DLGAP3: variants seen among roughly 807,000 people sequenced by gnomAD.
The protein encoded by DLGAP3 is disks large-associated protein 3.
Under a neutral mutation model 81.2 loss-of-function variants are expected in DLGAP3, and 17 were observed. The observed-to-expected ratio is 0.21, with a 90% CI of 0.14 to 0.31. The LOEUF (loss-of-function observed/expected upper bound fraction) is 0.31. Ranked by LOEUF, DLGAP3 falls within the 10% of genes least tolerant of loss-of-function variation. DLGAP3 has a pLI of 1.00. For synonymous variants in DLGAP3, 577 were observed against 587.4 expected (o/e 0.98, Z 0.26); for missense variants, 1,124 against 1,388.0 (o/e 0.81, Z 3.02).
chr1:34,928,485 C>A (rs1323962011), intron 1 of DLGAP3, among the ~76,000 whole-genome samples: 1 of 151,738 alleles, frequency 6.6e-6, no homozygotes, highest in Non-Finnish European at 1.5e-5. Flanking sequence ...CAGAGGGCAC[C>A]CCCTGAGGTA....
chr1:34,866,379 C>A, intron 11 of DLGAP3, 78 bp from the exon 12 acceptor site: 1 of 1,255,708 alleles, frequency 8.0e-7, no homozygotes, highest in African/African-American at 1.5e-5. Context: ...CACCCCCGCG[C>A]CCAGAGTGCT....
At chr1:34,920,579 C>G (rs1178488330) in intron 1 of DLGAP3, among the ~76,000 whole-genome samples, 1 of 152,162 alleles carries the variant, frequency 6.6e-6, no homozygotes, top group South Asian at 2.1e-4. Flanking sequence ...TTTTTCTCCA[C>G]TCCCACTGCT....
chr1:34,866,249 C>G lies in DLGAP3; in HGVS notation c.2774G>C (p.Gly925Ala), dbSNP rs1370371005. Residue 925 changes from glycine (G) to alanine (A), a missense_variant, in exon 12 of 12, where the codon GGC (glycine) becomes GCC (alanine). Gly to Ala is a moderately conservative substitution (Grantham distance 60, BLOSUM62 0). Coordinates refer to ENST00000373347, the MANE Select transcript of DLGAP3 (RefSeq NM_001080418.3). ...CAGGGAGCGCTCCTTCACCGGCACG[C>G]CCCGGCCCCGCAGGGGCTTCTTTGG... is the stretch of plus-strand genomic sequence containing the variant. Reference protein sequence around the residue: ...PIPKKPLRGRGVPVKERSLDS... With the variant: ...PIPKKPLRGRAVPVKERSLDS... 2 of 1,564,882 alleles carry G rather than the reference C, an allele frequency of 1.3e-6. No homozygotes were observed. The highest frequency in any genetic ancestry group is 1.8e-5 in the Admixed American group (1 of 54,376).
intron 1 of DLGAP3, among the ~76,000 whole-genome samples, chr1:34,912,449 C>T (rs1173722031): frequency 6.6e-6 from 1 of 152,194 alleles, no homozygotes; most frequent in Non-Finnish European, 1.5e-5. Flanking sequence ...AGCCAATTCA[C>T]TCCTTCCCCA....
chr1:34,865,969 G>T lies in DLGAP3; in HGVS notation c.*114C>A. 1.1e-6 allele frequency: 1 copy of T among 932,490 alleles called. No homozygotes were observed. The highest frequency in any genetic ancestry group is 1.6e-6 in the Non-Finnish European group (1 of 619,068). The allele number at this position is 932,490 out of a possible 1,614,324, so 57.8% of individuals were successfully genotyped here. A position where few individuals can be genotyped will look rare whatever the true frequency, so the allele number is the denominator to read the frequency against. ...GACGGGCCCGGGGGCCGGGGCGTCC[G>T]GTGCCGGTGGGGCGGGCGCACGGGG... is the stretch of plus-strand genomic sequence containing the variant. On this transcript the variant is annotated 3_prime_UTR_variant, in exon 12 of 12. Coordinates refer to ENST00000373347, the MANE Select transcript of DLGAP3 (RefSeq NM_001080418.3).
At chr1:34,916,500 T>G (rs967139186) in intron 1 of DLGAP3, among the ~76,000 whole-genome samples, 2 of 152,198 alleles carry the variant, frequency 1.3e-5, no homozygotes, top group Non-Finnish European at 2.9e-5. Flanking sequence ...TAGGCACTAT[T>G]ATTACTCCCA....
chr1:34,875,784 C>G (rs1639041515), intron 8 of DLGAP3, among the ~76,000 whole-genome samples: 1 of 152,258 alleles, frequency 6.6e-6, no homozygotes, highest in Admixed American at 6.5e-5. Flanking sequence ...AGTATGTTCT[C>G]TCTCACCACA....
At chr1:34,925,708 G>A (rs1391358145) in intron 1 of DLGAP3, among the ~76,000 whole-genome samples, 1 of 152,146 alleles carries the variant, frequency 6.6e-6, no homozygotes, top group African/African-American at 2.4e-5. Context: ...AGTGAGGGGG[G>A]CAGGGGCTAC....
At chr1:34,914,855 T>C (rs774727466) in intron 1 of DLGAP3, among the ~76,000 whole-genome samples, 18 of 152,184 alleles carry the variant, frequency 1.2e-4, no homozygotes, top group Non-Finnish European at 2.4e-4. Context: ...TGAAAACTCA[T>C]CTTTTTCACG....
intron 5 of DLGAP3, among the ~76,000 whole-genome samples, chr1:34,889,873 G>A (rs761631322): frequency 2.6e-5 from 4 of 152,202 alleles, no homozygotes; most frequent in Admixed American, 1.3e-4. Context: ...CAGTGGAGGC[G>A]GGAGGTGGGG....
At chr1:34,915,112 C>T (rs1639696565) in intron 1 of DLGAP3, among the ~76,000 whole-genome samples, 1 of 152,190 alleles carries the variant, frequency 6.6e-6, no homozygotes, top group Non-Finnish European at 1.5e-5. Flanking sequence ...TCATCCACCT[C>T]CATCCATTAT....
rs1639207133 is a variant in DLGAP3 at position 34,885,520 on chromosome 1, G to A, written c.1872C>T (p.Ser624=). 2.5e-6 allele frequency: 4 copies of A among 1,609,102 alleles called. No homozygotes were observed. Among genetic ancestry groups the A allele is most frequent in the Non-Finnish European group, 3.4e-6 (4 of 1,179,838 alleles). ...GCCGCCACTTCCGCTGCCGCGCCAG[G>A]CTCCGCAGCTCCTCCCTGCCAGGGA... ...KTIPGREELR[S]LARQRKWRPS... Residue 624 remains serine (S), a synonymous_variant, in exon 7 of 12, where the codon AGC becomes AGT. Coordinates refer to ENST00000373347, the MANE Select transcript of DLGAP3 (RefSeq NM_001080418.3).
intron 8 of DLGAP3, among the ~76,000 whole-genome samples, chr1:34,870,163 A>G (rs1638957582): frequency 6.6e-6 from 1 of 152,182 alleles, no homozygotes; most frequent in Admixed American, 6.5e-5. Context: ...TAATATGCAA[A>G]TCTTATGCAA....
chr1:34,886,045 G>T, intron 6 of DLGAP3, 27 bp downstream of exon 6: 1 of 1,572,784 alleles, frequency 6.4e-7, no homozygotes, highest in Non-Finnish European at 8.6e-7. Flanking sequence ...GCCTAGGGCC[G>T]GGCCAGGGGC....
intron 8 of DLGAP3, among the ~76,000 whole-genome samples, chr1:34,882,013 GA>G (rs1464684218): frequency 6.6e-6 from 1 of 152,028 alleles, no homozygotes; most frequent in African/African-American, 2.4e-5. Context: ...AATATTACAA[GA>G]AAAATAAATG....
rs1292743334 is a variant in DLGAP3 at position 34,886,283 on chromosome 1, G to A, written c.1389C>T (p.Leu463=). ...CCAGCTGCTGGTTCAACTCATCGCT[G>A]AGCTGGGGGGCAGGGGGTCGGGAGG... The part of the protein sequence containing the change: ...GYSRSLTTGQ[L]SDELNQQLEA... Residue 463 remains leucine (L), a splice_region_variant and synonymous_variant, in exon 6 of 12, where the codon CTC becomes CTT. Transcript: ENST00000373347. 1.9e-6 allele frequency: 3 copies of A among 1,587,410 alleles called. No individual in the cohort carries two copies. In the African/African-American group the frequency reaches 4.0e-5, roughly 21 times the overall value.
chr1:34,923,477 A>G (rs1026974644), intron 1 of DLGAP3, among the ~76,000 whole-genome samples: 1 of 152,146 alleles, frequency 6.6e-6, no homozygotes, highest in African/African-American at 2.4e-5. Flanking sequence ...ACCTCCTGGC[A>G]AGGAAGCAGC....
intron 1 of DLGAP3, among the ~76,000 whole-genome samples, chr1:34,922,810 C>T (rs1023950134): frequency 1.3e-5 from 2 of 152,160 alleles, no homozygotes; most frequent in Non-Finnish European, 2.9e-5. Context: ...TTCATATTCT[C>T]TCCAAGTACA....
intron 5 of DLGAP3, among the ~76,000 whole-genome samples, chr1:34,892,300 T>C (rs542596291): frequency 3.3e-5 from 5 of 151,970 alleles, no homozygotes; most frequent in South Asian, 4.2e-4. Context: ...TTATCCAATA[T>C]GAATAATGGA....
Sources: gnomAD v4.1 joint callset for allele counts (sites outside exome capture counted in the v4.1 genomes callset) on GRCh38, gnomAD v4.1.1 for gene constraint, MANE v1.5 for transcripts, NCBI Gene and HGNC (gene_info 2026-07-23, HGNC 2026-07-21) for gene names.